Variants in SOX13 observed in about 807,000 individuals in gnomAD.
The protein encoded by SOX13 is transcription factor SOX-13.
A neutral mutation model predicts 71.8 loss-of-function variants in SOX13; 28 were observed. The ratio of observed to expected loss-of-function variants is 0.39; its 90% CI spans 0.29 to 0.53. The LOEUF (loss-of-function observed/expected upper bound fraction) is 0.53, where lower values mean the gene tolerates loss of function less well. SOX13 is among the 20% of genes least tolerant of loss of function. The pLI is 0.70. For synonymous variants in SOX13, 309 were observed against 317.8 expected (o/e 0.97, Z 0.29); for missense variants, 627 against 810.3 (o/e 0.77, Z 2.75).
Position 204,123,271 on chromosome 1 carries a change from G to T in SOX13, c.1231+63G>T. 7.4e-7 allele frequency: 1 copy of T among 1,344,188 alleles called. No homozygotes were observed. The highest frequency in any genetic ancestry group is 1.2e-5 in the South Asian group (1 of 85,548). 83.3% of individuals were successfully genotyped at this position (1,344,188 alleles called of 1,614,324 possible). A position where few individuals can be genotyped will look rare whatever the true frequency, so the allele number is the denominator to read the frequency against. ...CCAACTCTGTATTCCACCAGGGCCAGGGCTGTGTCTGCCTCTGATCTCTTC... is the reference window on the plus strand; with the variant it reads ...CCAACTCTGTATTCCACCAGGGCCATGGCTGTGTCTGCCTCTGATCTCTTC... On this transcript the variant is annotated intron_variant, in intron 11 of 13. Coordinates refer to ENST00000367204, the MANE Select transcript of SOX13 (RefSeq NM_005686.3). This position sits in a 1 kb window ranked among gnomAD's most constrained non-coding sequence, Gnocchi z 5.0.
Position 204,126,246 on chromosome 1 carries a change from C to G in SOX13, c.*112C>G, listed in dbSNP as rs1656920975. ...TTGGTACTTGGACTTGTTCGTGCCCCAGAGATGGGCAAAGCTGTGCACTTG... is the reference window on the plus strand; with the variant it reads ...TTGGTACTTGGACTTGTTCGTGCCCGAGAGATGGGCAAAGCTGTGCACTTG... On this transcript the variant is annotated 3_prime_UTR_variant, in exon 14 of 14. Transcript: ENST00000367204. 8.8e-7 allele frequency: 1 copy of G among 1,136,380 alleles called. No homozygotes were observed. The highest frequency in any genetic ancestry group is 1.3e-6 in the Non-Finnish European group (1 of 792,258). The allele number at this position is 1,136,380 out of a possible 1,614,324, so 70.4% of individuals were successfully genotyped here.
intron 1 of SOX13, among the ~76,000 whole-genome samples, chr1:204,084,215 G>A (rs938915729): frequency 6.6e-6 from 1 of 152,210 alleles, no homozygotes; most frequent in African/African-American, 2.4e-5. Flanking sequence ...ACTACCATAC[G>A]TGGGGGCCCT....
rs1324705887 is a variant in SOX13, at chr1:204,123,209, G to A, written c.1231+1G>A. The A allele has an allele frequency of 6.2e-7, 1 of 1,612,038 alleles. No individual in the cohort carries two copies. Among genetic ancestry groups the A allele is most frequent in the Admixed American group, 1.7e-5 (1 of 60,022 alleles). Reference sequence around the variant, plus strand: ...GCCATGCTGAGCTGCGACATGGATGGTGAGGGCTCAGGCGCAGGGCTGATG... The same window carrying A: ...GCCATGCTGAGCTGCGACATGGATGATGAGGGCTCAGGCGCAGGGCTGATG... On this transcript the variant is annotated splice_donor_variant, in intron 11 of 13. Coordinates refer to ENST00000367204, the MANE Select transcript of SOX13 (RefSeq NM_005686.3). LOFTEE classifies it high-confidence loss of function. This position sits in a 1 kb window ranked among gnomAD's most constrained non-coding sequence, Gnocchi z 5.0.
At position 204,124,804 on chromosome 1, in the gene SOX13, C is replaced by T; in HGVS notation, c.1539C>T (p.Tyr513=). The T allele has an allele frequency of 6.3e-7, 1 of 1,592,492 alleles. No individual in the cohort carries two copies. The highest frequency in any genetic ancestry group is 1.3e-5 in the African/African-American group (1 of 74,598). The change falls in exon 13 of 14, where the codon TAC becomes TAT. Residue 513 remains tyrosine (Y), a synonymous_variant. Coordinates refer to ENST00000367204, the MANE Select transcript of SOX13 (RefSeq NM_005686.3). Reference sequence around the variant, plus strand: ...GCAAGCGGCTGCGCGTGGGAGAGTACAAGGCCCTGATGAGGACCCGGCGTC... The same window carrying T: ...GCAAGCGGCTGCGCGTGGGAGAGTATAAGGCCCTGATGAGGACCCGGCGTC... ...VEGKRLRVGE[Y]KALMRTRRQD...
intron 1 of SOX13, among the ~76,000 whole-genome samples, chr1:204,105,022 G>T (rs1051694162): frequency 9.2e-5 from 14 of 152,134 alleles, no homozygotes. Flanking sequence ...GTTCAGAGGG[G>T]CCGTGACAGG....
At chr1:204,098,801 C>T (rs1656304298) in intron 1 of SOX13, among the ~76,000 whole-genome samples, 1 of 152,162 alleles carries the variant, frequency 6.6e-6, no homozygotes, top group Non-Finnish European at 1.5e-5. Context: ...TGAGAAGCCT[C>T]ATTCATGGGG....
Position 204,113,201 on chromosome 1 carries a change from G to A in SOX13, c.219+67G>A, listed in dbSNP as rs1656623250. The A allele has an allele frequency of 4.6e-6, 6 of 1,310,928 alleles. No homozygotes were observed. In the South Asian group the frequency reaches 7.6e-5, roughly 17 times the overall value. The allele number at this position is 1,310,928 out of a possible 1,614,324, so 81.2% of individuals were successfully genotyped here. On this transcript the variant is annotated intron_variant, in intron 2 of 13. Transcript: ENST00000367204. ...TGTACCTGGGCTCTCTGCTCGGCTG[G>A]GCAGGCCCACTCCCCTAGATGGCAG...
rs548366043 is a variant in SOX13 at position 204,116,033 on chromosome 1, T to G, written c.419-474T>G. The G allele has an allele frequency of 2.6e-5, 13 of 506,098 alleles. No homozygotes were observed. In the East Asian group the frequency reaches 8.2e-4, roughly 32 times the overall value. 31.4% of individuals were successfully genotyped at this position (506,098 alleles called of 1,614,324 possible). A position where few individuals can be genotyped will look rare whatever the true frequency, so the allele number is the denominator to read the frequency against. On this transcript the variant is annotated intron_variant, in intron 4 of 13. Transcript: ENST00000367204. ...TTATTATTATGCCCACTTACCAAGA[T>G]TTTGAAAACCCTAAAGTGCAGAGAA...
At chr1:204,102,349 T>C (rs1165608323) in intron 1 of SOX13, among the ~76,000 whole-genome samples, 1 of 152,178 alleles carries the variant, frequency 6.6e-6, no homozygotes, top group African/African-American at 2.4e-5. Flanking sequence ...GGGTTAATGA[T>C]ATAGCACTTC....
At chr1:204,082,961 G>C (rs1307738123) in intron 1 of SOX13, among the ~76,000 whole-genome samples, 1 of 152,186 alleles carries the variant, frequency 6.6e-6, no homozygotes, top group Non-Finnish European at 1.5e-5. Flanking sequence ...TAGCCTGTTG[G>C]AACTGGCTGA....
chr1:204,115,065 G>A (rs923702745), intron 4 of SOX13, among the ~76,000 whole-genome samples: 8 of 151,398 alleles, frequency 5.3e-5, no homozygotes, highest in Admixed American at 4.0e-4. Flanking sequence ...AGGCTGGAGT[G>A]CAGTGGCACA....
rs892776737 is a variant in SOX13 at position 204,113,017 on chromosome 1, C to T, written c.102C>T (p.His34=). ...CAGAGGAGAAGAAAGAGCCTTGCCA[C>T]GAGGCCCCCCAGGGCTCAGCCACTG... ...IKSEEKKEPC[H]EAPQGSATAA... The change falls in exon 2 of 14, where the codon CAC becomes CAT. Residue 34 remains histidine (H), a synonymous_variant. Coordinates refer to ENST00000367204, the MANE Select transcript of SOX13 (RefSeq NM_005686.3). The T allele has an allele frequency of 1.4e-5, 22 of 1,612,816 alleles. No homozygotes were observed. The highest frequency in any genetic ancestry group is 7.7e-5 in the South Asian group (7 of 90,970).
At chr1:204,125,335 C>T (rs551835223) in intron 13 of SOX13, among the ~76,000 whole-genome samples, 6 of 152,256 alleles carry the variant, frequency 3.9e-5, no homozygotes, top group Admixed American at 2.6e-4. Flanking sequence ...GAGGCTGAGG[C>T]AGGAGGATCC....
chr1:204,112,852 A>G, intron 1 of SOX13, 63 bp from the exon 2 acceptor site: 1 of 1,412,040 alleles, frequency 7.1e-7, no homozygotes, highest in Non-Finnish European at 9.8e-7. Context: ...CAGTAGGGTC[A>G]CTGCCTCTGG....
rs1656695668 is a variant in SOX13 at position 204,116,444 on chromosome 1, A to G, written c.419-63A>G. 10 of 1,613,090 alleles carry G rather than the reference A, an allele frequency of 6.2e-6. No homozygotes were observed. The African/African-American group carries it at 9.3e-5, about 15-fold the overall frequency. On this transcript the variant is annotated intron_variant, in intron 4 of 13. Transcript: ENST00000367204. ...AAGTTTCTGATGGATGGGTGGATAGATGGATGGATGTATAGATGAACAAGT... is the reference window on the plus strand; with the variant it reads ...AAGTTTCTGATGGATGGGTGGATAGGTGGATGGATGTATAGATGAACAAGT...
At chr1:204,125,434 G>C (rs900602887) in intron 13 of SOX13, among the ~76,000 whole-genome samples, 1 of 152,152 alleles carries the variant, frequency 6.6e-6, no homozygotes, top group Admixed American at 6.5e-5. Context: ...GTTCACACCT[G>C]TAGTCCCAGC....
At chr1:204,100,699 G>A (rs529063069) in intron 1 of SOX13, among the ~76,000 whole-genome samples, 22 of 152,208 alleles carry the variant, frequency 1.4e-4, no homozygotes, top group Admixed American at 6.5e-4. Context: ...GAGAGAAAAA[G>A]AACGGAACGC....
chr1:204,116,856 G>C (rs1189597904), intron 5 of SOX13, among the ~76,000 whole-genome samples, 177 bp downstream of exon 5: 1 of 152,180 alleles, frequency 6.6e-6, no homozygotes, highest in South Asian at 2.1e-4. Flanking sequence ...ATGAGCCCTT[G>C]TACAGGGTTA....
At chr1:204,080,354 T>A (rs1434113645) in intron 1 of SOX13, among the ~76,000 whole-genome samples, 1 of 152,140 alleles carries the variant, frequency 6.6e-6, no homozygotes, top group Non-Finnish European at 1.5e-5. Context: ...TGGGGACATG[T>A]CCAAGCTAGG....
Sources: gnomAD v4.1 joint callset for allele counts (sites outside exome capture counted in the v4.1 genomes callset) on GRCh38, gnomAD v4.1.1 for gene constraint, Gnocchi (gnomAD v3.1) non-coding constraint, MANE v1.5 for transcripts, NCBI Gene and HGNC (gene_info 2026-07-23, HGNC 2026-07-21) for gene names.